CHL1: variants seen among roughly 807,000 people sequenced by gnomAD.
The protein encoded by CHL1 is cell adhesion molecule L1 like, also known as neural cell adhesion molecule L1-like protein.
In CHL1, 96 loss-of-function variants were observed where a neutral mutation model predicts 141.9. The observed-to-expected ratio is 0.68, with a 90% CI of 0.57 to 0.80. The LOEUF (loss-of-function observed/expected upper bound fraction) is 0.80. Among genes scored for constraint, CHL1 ranks in the 30% least tolerant of loss-of-function variants. CHL1 has a pLI of 0.00. For missense variants in CHL1, 1,820 were observed against 1,457.2 expected (o/e 1.25, Z -4.05); for synonymous variants, 613 against 502.2 (o/e 1.22, Z -2.95).
intron 2 of CHL1, among the ~76,000 whole-genome samples, chr3:259,870 A>G (rs1439277353): frequency 6.6e-6 from 1 of 152,274 alleles, no homozygotes; most frequent in East Asian, 1.9e-4. Flanking sequence ...CGTTTAACTT[A>G]CTTTTCTAGT....
At chr3:383,984 AC>A (rs1195585182) in intron 19 of CHL1, 98 bp downstream of exon 19, 2 of 750,088 alleles carry the variant, frequency 2.7e-6, no homozygotes, top group Non-Finnish European at 4.4e-6. Flanking sequence ...TTTTTTAAGA[AC>A]AAAGATAAGA....
chr3:385,016 G>A (rs1160226862), intron 19 of CHL1, among the ~76,000 whole-genome samples: 1 of 151,900 alleles, frequency 6.6e-6, no homozygotes, highest in Non-Finnish European at 1.5e-5. Flanking sequence ...TTTTTAAAAT[G>A]GTAATACATA....
intron 1 of CHL1, among the ~76,000 whole-genome samples, chr3:236,930 A>C (rs933594571): frequency 5.9e-5 from 9 of 151,908 alleles, no homozygotes; most frequent in Middle Eastern, 3.4e-3. Context: ...TGAAATTCTC[A>C]TGTCGTGGAT....
chr3:390,808 G>A lies in CHL1; in HGVS notation c.2578G>A (p.Gly860Ser). Residue 860 changes from glycine (G) to serine (S), a missense_variant, in exon 21 of 28, where the codon GGC becomes AGC. By Grantham distance (56) the Gly-to-Ser change is moderately conservative. Transcript: ENST00000256509. ...PKDRVHGRLK[G>S]YQINWWKTKS... is the part of the protein sequence containing the mutation. ...GGACAGAGTACATGGACGTCTGAAAGGCTATCAGGTTTTTATCATCATGGT... is the reference window on the plus strand; with the variant it reads ...GGACAGAGTACATGGACGTCTGAAAAGCTATCAGGTTTTTATCATCATGGT... The A allele has an allele frequency of 6.3e-7, 1 of 1,597,488 alleles. No homozygotes were observed. Among genetic ancestry groups the A allele is most frequent in the Non-Finnish European group, 8.6e-7 (1 of 1,165,158 alleles).
At chr3:369,290 A>G (rs1240780022) in intron 15 of CHL1, among the ~76,000 whole-genome samples, 1 of 150,434 alleles carries the variant, frequency 6.6e-6, no homozygotes, top group Admixed American at 6.6e-5. Flanking sequence ...AGTGGTTTGT[A>G]GTTCTCCTTG....
chr3:371,457 G>A (rs764274342), intron 15 of CHL1, among the ~76,000 whole-genome samples: 1 of 152,062 alleles, frequency 6.6e-6, no homozygotes, highest in Non-Finnish European at 1.5e-5. Context: ...CCATTTGCTT[G>A]GTAAATTTTC....
At chr3:318,562 T>TA (rs544906514) in intron 2 of CHL1, among the ~76,000 whole-genome samples, 8 of 151,318 alleles carry the variant, frequency 5.3e-5, no homozygotes, top group Non-Finnish European at 1.2e-4. Flanking sequence ...TAAGAGAAAG[T>TA]AAAAAAAATT....
intron 5 of CHL1, among the ~76,000 whole-genome samples, chr3:335,532 T>A (rs1445036694): frequency 6.6e-6 from 1 of 152,198 alleles, no homozygotes; most frequent in Non-Finnish European, 1.5e-5. Context: ...GTGACAATGA[T>A]GGCAGACTGT....
At chr3:380,207 C>T (rs543642711) in intron 16 of CHL1, among the ~76,000 whole-genome samples, 1 of 152,176 alleles carries the variant, frequency 6.6e-6, no homozygotes, top group East Asian at 1.9e-4. Context: ...GAAGAATTAA[C>T]TTTTTATTTA....
chr3:255,097 A>C (rs1694035263), intron 2 of CHL1, among the ~76,000 whole-genome samples: 1 of 152,184 alleles, frequency 6.6e-6, no homozygotes, highest in African/African-American at 2.4e-5. Context: ...AAGACTTGAA[A>C]GATTAATTTT....
At chr3:349,645 A>T in intron 10 of CHL1, 102 bp downstream of exon 10, 1 of 1,004,474 alleles carries the variant, frequency 1.0e-6, no homozygotes, top group South Asian at 1.6e-5. Context: ...ACAGGTCAGC[A>T]GTTTCAACTT....
intron 1 of CHL1, among the ~76,000 whole-genome samples, chr3:214,955 T>TGC (rs989368739): frequency 5.9e-5 from 3 of 50,482 alleles, no homozygotes; most frequent in African/African-American, 1.9e-4. Flanking sequence ...CATGTGCACG[T>TGC]GCACACACAC....
intron 2 of CHL1, among the ~76,000 whole-genome samples, chr3:286,465 G>A (rs1190657071): frequency 6.6e-6 from 1 of 151,930 alleles, no homozygotes; most frequent in Non-Finnish European, 1.5e-5. Flanking sequence ...ACAAAAATTA[G>A]CCAGGCATGG....
At position 408,427 on chromosome 3, in the gene CHL1, G is replaced by T. The variant is rs1038680380; in HGVS notation, c.*2716G>T. The T allele has an allele frequency of 5.3e-5, 8 of 152,076 alleles. No individual in the cohort carries two copies. Among genetic ancestry groups the T allele is most frequent in the Admixed American group, 2.0e-4 (3 of 15,240 alleles). 9.4% of individuals were successfully genotyped at this position (152,076 alleles called of 1,614,324 possible). On this transcript the variant is annotated 3_prime_UTR_variant, in exon 28 of 28. Coordinates refer to ENST00000256509, the MANE Select transcript of CHL1 (RefSeq NM_006614.4). Reference sequence around the variant, plus strand: ...GATTTTGTACATAAACATTAGGCAGGTTGCTTAACCTTTTTATTTCAAACT... The same window carrying T: ...GATTTTGTACATAAACATTAGGCAGTTTGCTTAACCTTTTTATTTCAAACT...
intron 14 of CHL1, 55 bp from the exon 15 acceptor site, chr3:365,895 A>G: frequency 6.8e-7 from 1 of 1,464,692 alleles, no homozygotes. Flanking sequence ...CAGGCACTTA[A>G]TAACAAAGTA....
chr3:271,431 C>A (rs905440383), intron 2 of CHL1, among the ~76,000 whole-genome samples: 2 of 151,938 alleles, frequency 1.3e-5, no homozygotes, highest in Non-Finnish European at 2.9e-5. Flanking sequence ...AGAGTGAGAC[C>A]CTGTCTCAAA....
intron 19 of CHL1, among the ~76,000 whole-genome samples, chr3:387,882 G>A (rs1386860221): frequency 1.3e-5 from 2 of 151,910 alleles, no homozygotes. Flanking sequence ...ATTCACCTTG[G>A]AATAGGAATA....
chr3:285,288 G>T (rs941308037), intron 2 of CHL1, among the ~76,000 whole-genome samples: 24 of 152,166 alleles, frequency 1.6e-4, no homozygotes, highest in African/African-American at 5.8e-4. Context: ...TATGACAGCT[G>T]GGTGACTTGG....
intron 1 of CHL1, among the ~76,000 whole-genome samples, chr3:201,523 CGTGT>C (rs1166999186): frequency 6.6e-6 from 1 of 151,558 alleles, no homozygotes; most frequent in African/African-American, 2.4e-5. Context: ...TGTGTGTGTG[CGTGT>C]GTGTGATGCT....
Sources: allele counts gnomAD v4.1 joint callset (sites outside exome capture counted in the v4.1 genomes callset), GRCh38; gene constraint gnomAD v4.1.1; transcripts MANE v1.5; gene names NCBI Gene and HGNC (gene_info 2026-07-23, HGNC 2026-07-21).